RPS6KC1: variants seen among roughly 807,000 people sequenced by gnomAD.
The protein encoded by RPS6KC1 is inactive ribosomal protein S6 kinase delta-1.
Under a neutral mutation model 103.8 loss-of-function variants are expected in RPS6KC1, and 54 were observed. The ratio of observed to expected loss-of-function variants is 0.52; its 90% CI spans 0.42 to 0.65. The LOEUF (loss-of-function observed/expected upper bound fraction) is 0.65. RPS6KC1 is among the 30% of genes least tolerant of loss of function. RPS6KC1 has a pLI of 0.00. For synonymous variants in RPS6KC1, 439 were observed against 438.7 expected (o/e 1.00, Z -0.01); for missense variants, 1,151 against 1,253.8 (o/e 0.92, Z 1.24).
the RPS6KC1 span, among the ~76,000 whole-genome samples, chr1:213,859,658 TG>T: frequency 6.6e-6 from 1 of 152,232 alleles, no homozygotes; most frequent in Non-Finnish European, 1.5e-5. Flanking sequence ...CCGTTCTAGA[TG>T]GCCCTTATTA....
At chr1:213,072,937 A>C (rs2079013187) in intron 2 of RPS6KC1, 1 of 979,708 alleles carries the variant, frequency 1.0e-6, no homozygotes, top group Admixed American at 6.2e-5. Flanking sequence ...TTTTCGGGAA[A>C]ACTCTTTTAT....
the RPS6KC1 span, among the ~76,000 whole-genome samples, chr1:213,611,220 C>T: frequency 1.3e-5 from 2 of 152,116 alleles, no homozygotes; most frequent in Non-Finnish European, 2.9e-5. Context: ...GCCTCTCTGT[C>T]TCTTCTCTAG....
the RPS6KC1 span, among the ~76,000 whole-genome samples, chr1:213,466,896 G>A: frequency 6.6e-6 from 1 of 152,098 alleles, no homozygotes; most frequent in East Asian, 1.9e-4. Context: ...CATGTGTCCT[G>A]TCTACTGACT....
the RPS6KC1 span, among the ~76,000 whole-genome samples, chr1:213,582,621 G>A: frequency 6.6e-6 from 1 of 152,196 alleles, no homozygotes; most frequent in Admixed American, 6.5e-5. Flanking sequence ...AAGTAGAAAG[G>A]TTAGTTTTGG....
the RPS6KC1 span, among the ~76,000 whole-genome samples, chr1:213,571,660 G>A: frequency 1.3e-5 from 2 of 152,212 alleles, no homozygotes; most frequent in Admixed American, 6.5e-5. Context: ...AATTTGTAAG[G>A]TTTGTCTGCC....
At chr1:213,663,197 A>T in the RPS6KC1 span, among the ~76,000 whole-genome samples, 3 of 152,164 alleles carry the variant, frequency 2.0e-5, no homozygotes, top group South Asian at 6.2e-4. Flanking sequence ...GTTACCTGTT[A>T]TTGCTCTTAC....
the RPS6KC1 span, among the ~76,000 whole-genome samples, chr1:213,595,176 A>G: frequency 6.6e-6 from 1 of 152,186 alleles, no homozygotes; most frequent in African/African-American, 2.4e-5. Context: ...TTGACTTTCA[A>G]GGTAAACGCC....
chr1:213,602,281 G>GT, the RPS6KC1 span, among the ~76,000 whole-genome samples: 1 of 120,610 alleles, frequency 8.3e-6, no homozygotes, highest in African/African-American at 3.2e-5. Flanking sequence ...TTTTTCCAGA[G>GT]TCTCGCTCTG....
At chr1:213,114,648 A>G (rs2083389157) in intron 4 of RPS6KC1, among the ~76,000 whole-genome samples, 1 of 151,352 alleles carries the variant, frequency 6.6e-6, no homozygotes, top group East Asian at 1.9e-4. Flanking sequence ...TTTCAAAGGG[A>G]ATGCTTCCAG....
At chr1:213,091,482 C>A (rs2080959303) in intron 3 of RPS6KC1, among the ~76,000 whole-genome samples, 1 of 152,094 alleles carries the variant, frequency 6.6e-6, no homozygotes, top group Non-Finnish European at 1.5e-5. Context: ...TGTAAATGAA[C>A]CTTTTGTACT....
At chr1:213,364,772 G>A in the RPS6KC1 span, among the ~76,000 whole-genome samples, 3 of 151,942 alleles carry the variant, frequency 2.0e-5, no homozygotes, top group Non-Finnish European at 4.4e-5. Flanking sequence ...TGGTCAACGT[G>A]GTAAAACCGT....
the RPS6KC1 span, among the ~76,000 whole-genome samples, chr1:213,679,028 T>C: frequency 6.6e-6 from 1 of 152,196 alleles, no homozygotes; most frequent in African/African-American, 2.4e-5. Context: ...TGGGTCTCAG[T>C]GGCCTGAGGT....
chr1:213,186,021 T>C (rs1434090723), intron 8 of RPS6KC1, among the ~76,000 whole-genome samples: 1 of 151,878 alleles, frequency 6.6e-6, no homozygotes, highest in Non-Finnish European at 1.5e-5. Context: ...ATCTGCAGTT[T>C]AACATCATCA....
chr1:213,184,295 T>C (rs2092426370), intron 8 of RPS6KC1, among the ~76,000 whole-genome samples: 1 of 152,100 alleles, frequency 6.6e-6, no homozygotes, highest in African/African-American at 2.4e-5. Context: ...AAGAAAACTA[T>C]AGACCAATAT....
the RPS6KC1 span, among the ~76,000 whole-genome samples, chr1:213,328,504 C>CTATTTATATATATA: frequency 9.9e-6 from 1 of 101,446 alleles, no homozygotes; most frequent in Non-Finnish European, 2.1e-5. Context: ...AGCCATTATA[C>CTATTTATATATATA]TATATATATA....
chr1:213,326,966 C>G, the RPS6KC1 span, among the ~76,000 whole-genome samples: 2 of 151,968 alleles, frequency 1.3e-5, no homozygotes. Context: ...TTAGTTGTAA[C>G]ACAAATATGC....
At chr1:213,117,944 C>T (rs1277904800) in intron 5 of RPS6KC1, among the ~76,000 whole-genome samples, 1 of 142,094 alleles carries the variant, frequency 7.0e-6, no homozygotes, top group Non-Finnish European at 1.5e-5. Flanking sequence ...ATCGCTTGAA[C>T]CTGGGAGGTG....
At chr1:213,281,320 G>T in the RPS6KC1 span, among the ~76,000 whole-genome samples, 2 of 152,258 alleles carry the variant, frequency 1.3e-5, no homozygotes, top group South Asian at 4.1e-4. Context: ...ACACTGGATA[G>T]AATTTGCTAT....
intron 12 of RPS6KC1, among the ~76,000 whole-genome samples, chr1:213,256,050 A>AAG (rs1360196502): frequency 0.039 from 5,888 of 152,294 alleles, 334 homozygotes; most frequent in African/African-American, 0.13. Context: ...TTTCCATGAA[A>AAG]AACCAATTTA....
Sources: gnomAD v4.1 joint callset for allele counts (sites outside exome capture counted in the v4.1 genomes callset) on GRCh38, gnomAD v4.1.1 for gene constraint, MANE v1.5 for transcripts, NCBI Gene and HGNC (gene_info 2026-07-23, HGNC 2026-07-21) for gene names.